Variants in CCAR2 observed in about 807,000 individuals in gnomAD.
CCAR2 encodes the protein cell cycle and apoptosis regulator 2.
Under a neutral mutation model 108.1 loss-of-function variants are expected in CCAR2, and 21 were observed. That is an observed-to-expected ratio of 0.19 (90% CI 0.14 to 0.28). CCAR2 has a LOEUF of 0.28. Ranked by LOEUF, CCAR2 falls within the 10% of genes least tolerant of loss-of-function variation. The pLI, the probability that CCAR2 is intolerant of heterozygous loss-of-function variation, is 1.00. For missense variants in CCAR2, 1,126 were observed against 1,177.0 expected, an observed-to-expected ratio of 0.96 and a Z score of 0.63; for synonymous variants, 577 against 472.8, an observed-to-expected ratio of 1.22 and a Z score of -2.86.
intron 1 of CCAR2, 186 bp from the exon 2 acceptor site, chr8:22,605,550 C>T (rs1801036480): frequency 1.7e-6 from 1 of 579,946 alleles, no homozygotes; most frequent in Admixed American, 3.0e-5. Flanking sequence ...TCAGGGCAAA[C>T]TGGAACAATG....
chr8:22,608,854 C>T (rs1801176077), intron 7 of CCAR2, among the ~76,000 whole-genome samples: 1 of 152,084 alleles, frequency 6.6e-6, no homozygotes, highest in African/African-American at 2.4e-5. Flanking sequence ...GTGTGAGGAA[C>T]CTTATTATAC....
chr8:22,610,918 C>T (rs1488578871), intron 7 of CCAR2, among the ~76,000 whole-genome samples: 1 of 152,084 alleles, frequency 6.6e-6, no homozygotes, highest in Admixed American at 6.5e-5. Flanking sequence ...GTTTTTTCTC[C>T]TCAACTATTT....
chr8:22,613,882 G>A (rs1801392629), intron 8 of CCAR2: 1 of 583,274 alleles, frequency 1.7e-6, no homozygotes, highest in Non-Finnish European at 3.0e-6. Flanking sequence ...TGTTATAAGT[G>A]TTTTCTTTTT....
chr8:22,605,670 C>T (rs1048762260), intron 1 of CCAR2, 66 bp from the exon 2 acceptor site: 7 of 944,486 alleles, frequency 7.4e-6, no homozygotes, highest in African/African-American at 6.6e-5. Context: ...TAAGATTCTC[C>T]ACTTTTCCGG....
intron 1 of CCAR2, chr8:22,605,049 C>T (rs1390349454): frequency 7.2e-6 from 2 of 277,240 alleles, no homozygotes; most frequent in African/African-American, 4.8e-5. Flanking sequence ...CTCAGTCCTC[C>T]CTTGGTGGCC....
chr8:22,615,980 G>T, intron 13 of CCAR2, 32 bp from the exon 14 acceptor site: 1 of 1,612,980 alleles, frequency 6.2e-7, no homozygotes, highest in South Asian at 1.1e-5. Flanking sequence ...CTTTCTTCCT[G>T]ATGCTCATGG....
chr8:22,620,777 C>T (rs1801763281), downstream of CCAR2: 1 of 152,258 alleles, frequency 6.6e-6, no homozygotes. Flanking sequence ...GACACAAACC[C>T]ACTGTTCCTG....
rs1317710585 is a variant in CCAR2, at chr8:22,613,118, C to T, written c.686C>T (p.Thr229Ile). ...CTGCCTCCTTACCGGGTCCACCTCA[C>T]TCCTTACACTGTGGACAGGTGAGTG... is the stretch of plus-strand genomic sequence containing the variant. ...HDLPPYRVHL[T>I]PYTVDSPICD... is the part of the protein sequence containing the mutation. Residue 229 changes from threonine (T) to isoleucine (I), a missense_variant, in exon 8 of 21, where the codon ACT becomes ATT. Physicochemically the swap from Thr to Ile is moderately conservative, Grantham distance 89 (BLOSUM62 -1). This residue lies in a region of CCAR2 where 1,013 missense variants were observed against 993.9 expected (regional missense o/e 1.02). Transcript: ENST00000308511. The T allele has an allele frequency of 6.2e-7, 1 of 1,606,676 alleles. No individual in the cohort carries two copies. Among genetic ancestry groups the T allele is most frequent in the Non-Finnish European group, 8.5e-7 (1 of 1,177,048 alleles).
At chr8:22,607,467 GTTTTTTTTT>G in intron 6 of CCAR2, 142 bp downstream of exon 6, 1 of 403,672 alleles carries the variant, frequency 2.5e-6, no homozygotes, top group Non-Finnish European at 4.0e-6. Context: ...GGTGTTTAGG[GTTTTTTTTT>G]TTTTTTTTTT....
intron 11 of CCAR2, 177 bp downstream of exon 11, chr8:22,615,178 C>A: frequency 1.0e-6 from 1 of 961,288 alleles, no homozygotes; most frequent in Non-Finnish European, 1.5e-6. Context: ...GCTGAGCCAC[C>A]AGGCTGCACT....
intron 11 of CCAR2, 53 bp from the exon 12 acceptor site, chr8:22,615,372 G>C (rs1330888702): frequency 2.6e-5 from 41 of 1,576,768 alleles, no homozygotes; most frequent in Non-Finnish European, 3.4e-5. Flanking sequence ...TGAACGTGGT[G>C]TCTGCGTGGA....
chr8:22,613,943 C>A, intron 8 of CCAR2, 149 bp from the exon 9 acceptor site: 1 of 644,294 alleles, frequency 1.6e-6, no homozygotes, highest in South Asian at 2.0e-5. Flanking sequence ...ATTAAGTGGT[C>A]AGATCTGATC....
At position 22,615,692 on chromosome 8, in the gene CCAR2, C is replaced by G. The variant is rs1336010966; in HGVS notation, c.1388C>G (p.Pro463Arg). Reference protein sequence around the residue: ...PTQEAQGETEPTEQAPDALEQ... With the variant: ...PTQEAQGETERTEQAPDALEQ... The stretch of plus-strand genomic sequence containing the variant: ...CAGCTGTTGTCACAGGAAACGGAGC[C>G]TACTGAACAGGCACCTGATGCCTTG... The change falls in exon 13 of 21, where the codon CCT (proline) becomes CGT (arginine). Residue 463 changes from proline (P) to arginine (R), a missense_variant. Pro to Arg is a moderately radical substitution (Grantham distance 103). Around this residue, in one of 4 missense-constraint regions of CCAR2, gnomAD observed 1,013 missense variants for 993.9 expected, o/e 1.02. Coordinates refer to ENST00000308511, the MANE Select transcript of CCAR2 (RefSeq NM_001393997.1). 2 of 1,613,764 alleles carry G rather than the reference C, an allele frequency of 1.2e-6. No homozygotes were observed. The highest frequency in any genetic ancestry group is 1.7e-6 in the Non-Finnish European group (2 of 1,180,022).
intron 16 of CCAR2, 101 bp from the exon 17 acceptor site, chr8:22,618,248 A>G (rs552394405): frequency 1.3e-6 from 2 of 1,498,518 alleles, no homozygotes; most frequent in East Asian, 2.3e-5. Context: ...GCATCACTGC[A>G]TGTGGCCCAA....
intron 16 of CCAR2, 122 bp downstream of exon 16, chr8:22,617,900 G>A: frequency 9.8e-7 from 1 of 1,021,164 alleles, no homozygotes; most frequent in Non-Finnish European, 1.5e-6. Flanking sequence ...CCAACACACA[G>A]TGTGGTCCTT....
At chr8:22,605,943 G>A (rs1168139872) in intron 2 of CCAR2, 112 bp downstream of exon 2, 2 of 1,308,990 alleles carry the variant, frequency 1.5e-6, no homozygotes, top group Admixed American at 1.8e-5. Context: ...CTGGAAAGCA[G>A]GAGATGCCCA....
chr8:22,614,062 A>C, intron 8 of CCAR2, 30 bp from the exon 9 acceptor site: 1 of 1,579,846 alleles, frequency 6.3e-7, no homozygotes, highest in East Asian at 2.2e-5. Context: ...GTCTTTGCTC[A>C]GTCTGGATTC....
Position 22,615,449 on chromosome 8 carries a change from C to T in CCAR2, c.1230C>T (p.Tyr410=). The change falls in exon 12 of 21, where the codon TAC becomes TAT. Residue 410 remains tyrosine, a synonymous_variant. Transcript: ENST00000308511. ...GGTGGCGCTTTGCCGAGTTTCAGTA[C>T]CTGCAGCCGGGACCCCCCCGGCGGC... The part of the protein sequence containing the change: ...TKWWRFAEFQ[Y]LQPGPPRRLQ... 1 of 1,613,748 alleles carries T rather than the reference C, an allele frequency of 6.2e-7. No homozygotes were observed. The highest frequency in any genetic ancestry group is 1.1e-5 in the South Asian group (1 of 91,084).
In CCAR2 at chr8:22,608,180, T is replaced by G. The variant is rs548196551; in HGVS notation, c.584+115T>G. ...GAACCCAGGTCAACTGCTTGGAAGG[T>G]GGCTATGCTTACCACTAACATTCTT... On this transcript the variant is annotated intron_variant, in intron 7 of 20. Coordinates refer to ENST00000308511, the MANE Select transcript of CCAR2 (RefSeq NM_001393997.1). 6 of 762,714 alleles carry G rather than the reference T, an allele frequency of 7.9e-6. No individual in the cohort carries two copies. The South Asian group carries it at 1.1e-4, about 14-fold the overall frequency. 47.2% of individuals were successfully genotyped at this position (762,714 alleles called of 1,614,324 possible). A position where few individuals can be genotyped will look rare whatever the true frequency, so the allele number is the denominator to read the frequency against.
Sources: allele counts gnomAD v4.1 joint callset (sites outside exome capture counted in the v4.1 genomes callset), GRCh38; gene constraint gnomAD v4.1.1; regional missense constraint gnomAD v4.1.1; transcripts MANE v1.5; gene names NCBI Gene and HGNC (gene_info 2026-07-23, HGNC 2026-07-21).